The following POU6F2 variants were observed in gnomAD, a reference collection of about 807,000 sequenced individuals.
POU6F2 encodes POU domain, class 6, transcription factor 2.
POU6F2 carries 31 observed loss-of-function variants against 71.3 expected under a neutral mutation model. That is an observed-to-expected ratio of 0.43 (90% confidence interval 0.33 to 0.59). The LOEUF is 0.59. Ranked by LOEUF, POU6F2 falls within the 20% of genes least tolerant of loss-of-function variation. The pLI is 0.04. For missense variants in POU6F2, 783 were observed against 856.8 expected (o/e 0.91, Z 1.07); for synonymous variants, 347 against 355.7 (o/e 0.98, Z 0.27).
chr7:39,267,317 T>C (rs1784265802), intron 4 of POU6F2, among the ~76,000 whole-genome samples: 1 of 152,240 alleles, frequency 6.6e-6, no homozygotes, highest in Non-Finnish European at 1.5e-5. Context: ...TGTCATTTTC[T>C]GTAGTTTTCT....
At chr7:39,154,149 T>A (rs140227364) in intron 2 of POU6F2, among the ~76,000 whole-genome samples, 110 of 152,352 alleles carry the variant, frequency 7.2e-4, no homozygotes, top group African/African-American at 2.6e-3. Flanking sequence ...TCTGGTTAAG[T>A]CATTTAAAAT....
intron 4 of POU6F2, among the ~76,000 whole-genome samples, chr7:39,270,156 CG>C (rs779047699): frequency 1.3e-5 from 2 of 152,104 alleles, no homozygotes; most frequent in Non-Finnish European, 2.9e-5. Flanking sequence ...CAAATTCCAG[CG>C]GGGGAGACCA....
chr7:39,161,441 C>T (rs1792995599), intron 2 of POU6F2, among the ~76,000 whole-genome samples: 1 of 152,154 alleles, frequency 6.6e-6, no homozygotes, highest in Non-Finnish European at 1.5e-5. Context: ...AGTATTTCTC[C>T]AGTTTTCAAT....
intron 5 of POU6F2, among the ~76,000 whole-genome samples, chr7:39,342,116 C>G (rs914951803): frequency 1.3e-5 from 2 of 152,140 alleles, no homozygotes; most frequent in African/African-American, 2.4e-5. Flanking sequence ...ACTCTAACTT[C>G]TGTGGATCTA....
intron 5 of POU6F2, among the ~76,000 whole-genome samples, chr7:39,385,101 AAATC>A: frequency 6.6e-6 from 1 of 152,244 alleles, no homozygotes; most frequent in Non-Finnish European, 1.5e-5. Flanking sequence ...ACAAACACCA[AAATC>A]CATGCAGAGT....
Position 39,054,918 on chromosome 7 carries a change from T to A in POU6F2, c.106-30942T>A, listed in dbSNP as rs77146239. Among the ~76,000 whole-genome samples the A allele has an allele frequency of 2.1e-3, 314 of 152,224 alleles. 2 individuals carry two copies. Among genetic ancestry groups the A allele is most frequent in the Middle Eastern group, 0.017 (5 of 294 alleles). ...AACAGGTGGAAAAGGCCAGATCATG[T>A]AATGATTACTCATTACCCTCAAGAT... On this transcript the variant is annotated intron_variant, in intron 1 of 9. Transcript: ENST00000518318.
intron 2 of POU6F2, among the ~76,000 whole-genome samples, chr7:39,110,155 C>T (rs894416186): frequency 2.0e-5 from 3 of 151,292 alleles, no homozygotes; most frequent in Non-Finnish European, 4.4e-5. Context: ...GCTGTAATCC[C>T]AGCTACTCAG....
intron 1 of POU6F2, among the ~76,000 whole-genome samples, chr7:38,980,440 T>C (rs1373843162): frequency 1.3e-5 from 2 of 152,232 alleles, no homozygotes; most frequent in African/African-American, 4.8e-5. Context: ...GTGGTATACA[T>C]ATTTGAAGTG....
chr7:39,437,683 C>G (rs191930129), intron 7 of POU6F2, among the ~76,000 whole-genome samples: 2 of 152,102 alleles, frequency 1.3e-5, no homozygotes, highest in Admixed American at 1.3e-4. Flanking sequence ...TTAGTTTCCT[C>G]TTGCCTCTCT....
intron 2 of POU6F2, among the ~76,000 whole-genome samples, chr7:39,120,509 A>G (rs569724356): frequency 2.0e-5 from 3 of 152,342 alleles, no homozygotes; most frequent in South Asian, 4.1e-4. Context: ...ACTGATTTTC[A>G]TAGCTAGTCT....
chr7:39,335,979 G>T (rs1323269455), intron 4 of POU6F2, among the ~76,000 whole-genome samples: 1 of 152,166 alleles, frequency 6.6e-6, no homozygotes, highest in East Asian at 1.9e-4. Context: ...GCCCTTGCTG[G>T]TGGCTGCCCT....
At chr7:39,315,216 G>A (rs994509121) in intron 4 of POU6F2, among the ~76,000 whole-genome samples, 1 of 152,158 alleles carries the variant, frequency 6.6e-6, no homozygotes, top group Non-Finnish European at 1.5e-5. Context: ...ACCTAGGAGA[G>A]AATCTTCTTT....
chr7:39,196,738 C>T (rs1430804581), intron 2 of POU6F2, among the ~76,000 whole-genome samples: 1 of 151,308 alleles, frequency 6.6e-6, no homozygotes, highest in Non-Finnish European at 1.5e-5. Flanking sequence ...TAGCCTGGGC[C>T]ACAGAGCGAG....
At chr7:39,168,931 A>T (rs1022486016) in intron 2 of POU6F2, among the ~76,000 whole-genome samples, 1 of 152,230 alleles carries the variant, frequency 6.6e-6, no homozygotes, top group Non-Finnish European at 1.5e-5. Flanking sequence ...TTTCAAAGCA[A>T]TGGTCATTAG....
chr7:39,099,018 C>T (rs1791516204), intron 2 of POU6F2, among the ~76,000 whole-genome samples: 1 of 152,136 alleles, frequency 6.6e-6, no homozygotes, highest in Non-Finnish European at 1.5e-5. Context: ...TGGCAACACC[C>T]CTTCTTCAGT....
At chr7:39,188,353 C>G (rs957052777) in intron 2 of POU6F2, among the ~76,000 whole-genome samples, 1 of 152,064 alleles carries the variant, frequency 6.6e-6, no homozygotes, top group Non-Finnish European at 1.5e-5. Flanking sequence ...CGCTCTGTTG[C>G]CCAGGCTGGA....
At chr7:39,225,456 A>G (rs1214763044) in intron 4 of POU6F2, among the ~76,000 whole-genome samples, 1 of 152,184 alleles carries the variant, frequency 6.6e-6, no homozygotes, top group African/African-American at 2.4e-5. Flanking sequence ...TATTTCTGAA[A>G]AATTCTCAGT....
intron 1 of POU6F2, among the ~76,000 whole-genome samples, chr7:39,061,382 C>G (rs1790653859): frequency 6.6e-6 from 1 of 152,082 alleles, no homozygotes; most frequent in Admixed American, 6.6e-5. Context: ...CAAAATCTGA[C>G]TAGTGATAGT....
intron 6 of POU6F2, among the ~76,000 whole-genome samples, chr7:39,416,171 G>A (rs1313189146): frequency 3.3e-5 from 5 of 150,092 alleles, no homozygotes; most frequent in African/African-American, 9.8e-5. Flanking sequence ...AAACCTTACC[G>A]AATAATTACA....
Sources: gnomAD v4.1 joint callset for allele counts (sites outside exome capture counted in the v4.1 genomes callset) on GRCh38, gnomAD v4.1.1 for gene constraint, MANE v1.5 for transcripts, NCBI Gene and HGNC (gene_info 2026-07-23, HGNC 2026-07-21) for gene names.